Variants in WNT3 observed in about 807,000 individuals in gnomAD.
WNT3 encodes proto-oncogene Wnt-3.
A neutral mutation model predicts 34.2 loss-of-function variants in WNT3; 7 were observed. The observed-to-expected ratio is 0.20, with a 90% CI of 0.12 to 0.38. WNT3 has a LOEUF of 0.38. Ranked by LOEUF, WNT3 falls within the 10% of genes least tolerant of loss-of-function variation. The pLI, the probability that WNT3 is intolerant of heterozygous loss-of-function variation, is 1.00. For synonymous variants in WNT3, 212 were observed against 211.5 expected, an observed-to-expected ratio of 1.00 and a Z score of -0.02; for missense variants, 267 against 499.8, an observed-to-expected ratio of 0.53 and a Z score of 4.44.
chr17:46,785,760 C>CTA (rs1018554401), intron 1 of WNT3, among the ~76,000 whole-genome samples: 1 of 152,232 alleles, frequency 6.6e-6, no homozygotes, highest in African/African-American at 2.4e-5. Flanking sequence ...TGGCCACAGA[C>CTA]TATACCTCAG....
At chr17:46,807,566 C>T (rs2084214029) in intron 1 of WNT3, among the ~76,000 whole-genome samples, 1 of 152,198 alleles carries the variant, frequency 6.6e-6, no homozygotes, top group African/African-American at 2.4e-5. Context: ...AGGACCAACT[C>T]CCTCCCAGAG....
At chr17:46,777,472 G>A (rs187469628) in intron 1 of WNT3, among the ~76,000 whole-genome samples, 1 of 152,232 alleles carries the variant, frequency 6.6e-6, no homozygotes, top group Non-Finnish European at 1.5e-5. Context: ...CTGCCTGCAT[G>A]GCTTGATTGG....
intron 1 of WNT3, among the ~76,000 whole-genome samples, chr17:46,795,995 AG>A (rs1185432158): frequency 1.3e-5 from 2 of 152,292 alleles, no homozygotes; most frequent in East Asian, 3.9e-4. Flanking sequence ...TAAAAAAAAA[AG>A]AACTGATCAG....
At chr17:46,771,801 G>A (rs2059374684) in intron 2 of WNT3, among the ~76,000 whole-genome samples, 1 of 143,086 alleles carries the variant, frequency 7.0e-6, no homozygotes, top group Non-Finnish European at 1.5e-5. Context: ...TGGCCAGAGG[G>A]CGTGTGAATG....
At chr17:46,772,130 C>T (rs1021826643) in intron 2 of WNT3, among the ~76,000 whole-genome samples, 2 of 152,156 alleles carry the variant, frequency 1.3e-5, no homozygotes, top group African/African-American at 4.8e-5. Flanking sequence ...CGGAGCTGGG[C>T]GCGAACCTGG....
intron 2 of WNT3, among the ~76,000 whole-genome samples, chr17:46,772,346 G>C (rs1217799067): frequency 6.6e-6 from 1 of 152,232 alleles, no homozygotes; most frequent in African/African-American, 2.4e-5. Context: ...GTTCAACGCG[G>C]AGTGAATGGG....
At chr17:46,818,213 CG>C (rs984843078) in intron 1 of WNT3, among the ~76,000 whole-genome samples, 11 of 152,040 alleles carry the variant, frequency 7.2e-5, no homozygotes, top group African/African-American at 2.7e-4. Flanking sequence ...GGGGGGTCTT[CG>C]GGGGCCTCTA....
rs982134619 is a variant in WNT3 at position 46,771,648 on chromosome 17, G to C, written c.323-1600C>G. Among the ~76,000 whole-genome samples, 99 of 144,134 alleles carry C rather than the reference G, an allele frequency of 6.9e-4. 3 individuals are homozygous for C. In the East Asian group the frequency reaches 0.018, roughly 26 times the overall value. The allele number at this position is 144,134 out of a possible 152,430, so 94.6% of individuals were successfully genotyped here. A position where few individuals can be genotyped will look rare whatever the true frequency, so the allele number is the denominator to read the frequency against. On this transcript the variant is annotated intron_variant, in intron 2 of 4. Transcript: ENST00000225512. ...CCCGCATAATGCGGCCGCCGGGCCC[G>C]GGCCGCCGGGCCGGCCGCCACCGCG...
intron 1 of WNT3, among the ~76,000 whole-genome samples, chr17:46,776,853 T>C (rs1482639514): frequency 4.6e-5 from 7 of 152,162 alleles, no homozygotes; most frequent in Admixed American, 4.6e-4. Flanking sequence ...TGAGAGGCAC[T>C]CGGAGACCCT....
intron 2 of WNT3, 46 bp downstream of exon 2, chr17:46,773,622 C>CGGG: frequency 2.0e-6 from 1 of 506,092 alleles, no homozygotes; most frequent in Non-Finnish European, 3.7e-6. Context: ...GTCCTGATCC[C>CGGG]TCCCCCCACC....
chr17:46,771,181 C>T (rs2059364877), intron 2 of WNT3, among the ~76,000 whole-genome samples: 1 of 152,218 alleles, frequency 6.6e-6, no homozygotes, highest in African/African-American at 2.4e-5. Context: ...GTCCCACTTC[C>T]AACGACGGGA....
At chr17:46,782,641 G>C (rs1281505407) in intron 1 of WNT3, among the ~76,000 whole-genome samples, 1 of 152,224 alleles carries the variant, frequency 6.6e-6, no homozygotes, top group Non-Finnish European at 1.5e-5. Context: ...AGCCAGTTCA[G>C]GGGCATGTGT....
chr17:46,792,145 C>T (rs1417576646), intron 1 of WNT3, among the ~76,000 whole-genome samples: 12 of 152,242 alleles, frequency 7.9e-5, no homozygotes, highest in Admixed American at 2.0e-4. Context: ...GTGTTCGACA[C>T]AAAAGGCAAA....
chr17:46,767,773 G>GTTTT lies in WNT3; in HGVS notation c.*8+535_*8+538dup, dbSNP rs915033313. On this transcript the variant is annotated intron_variant, in intron 4 of 4. Transcript: ENST00000225512. ...ACCTAATGTGCACACACTGAATTTT[G>GTTTT]TTTTTTTTTGTTTGTTTGTTTGTTT... Among the ~76,000 whole-genome samples the GTTTT allele has an allele frequency of 2.8e-3, 415 of 150,556 alleles. 4 individuals carry two copies. Among genetic ancestry groups the GTTTT allele is most frequent in the African/African-American group, 9.5e-3 (387 of 40,722 alleles).
At chr17:46,783,659 G>A (rs1759813287) in intron 1 of WNT3, among the ~76,000 whole-genome samples, 1 of 152,196 alleles carries the variant, frequency 6.6e-6, no homozygotes, top group African/African-American at 2.4e-5. Flanking sequence ...GCGATCTCTA[G>A]GAACGGGGGC....
intron 1 of WNT3, among the ~76,000 whole-genome samples, chr17:46,782,701 C>T (rs531470399): frequency 6.6e-6 from 1 of 152,326 alleles, no homozygotes; most frequent in Non-Finnish European, 1.5e-5. Context: ...CAACTACACC[C>T]ATAGTGACGA....
intron 1 of WNT3, among the ~76,000 whole-genome samples, chr17:46,801,895 C>A (rs1272923652): frequency 6.6e-6 from 1 of 152,116 alleles, no homozygotes; most frequent in East Asian, 1.9e-4. Flanking sequence ...ACTGTTTCCC[C>A]GCCAAGCCCT....
At chr17:46,789,561 T>C (rs2146419672) in intron 1 of WNT3, among the ~76,000 whole-genome samples, 1 of 150,478 alleles carries the variant, frequency 6.6e-6, no homozygotes, top group Non-Finnish European at 1.5e-5. Context: ...CAAAGACGTT[T>C]AATCTGATCT....
intron 1 of WNT3, among the ~76,000 whole-genome samples, chr17:46,801,034 G>A (rs1383812451): frequency 1.3e-5 from 2 of 152,204 alleles, no homozygotes; most frequent in Admixed American, 1.3e-4. Context: ...CTAACTCACT[G>A]AGTACACACC....
Sources: gnomAD v4.1 joint callset for allele counts (sites outside exome capture counted in the v4.1 genomes callset) on GRCh38, gnomAD v4.1.1 for gene constraint, MANE v1.5 for transcripts, NCBI Gene and HGNC (gene_info 2026-07-23, HGNC 2026-07-21) for gene names.